Variants in CPNE4 observed in about 807,000 individuals in gnomAD.
CPNE4 encodes copine 4, also known as copine-4.
In CPNE4, 25 loss-of-function variants were observed where a neutral mutation model predicts 67.9. The ratio of observed to expected loss-of-function variants is 0.37; its 90% confidence interval spans 0.27 to 0.51. The LOEUF (loss-of-function observed/expected upper bound fraction) is 0.51, where lower values mean the gene tolerates loss of function less well. CPNE4 is among the 20% of genes least tolerant of loss of function. CPNE4 has a pLI of 0.93. For missense variants in CPNE4, 464 were observed against 690.8 expected, an observed-to-expected ratio of 0.67 and a Z score of 3.68; for synonymous variants, 242 against 244.9, an observed-to-expected ratio of 0.99 and a Z score of 0.11.
At chr3:131,624,666 A>G (rs528064860) in intron 7 of CPNE4, among the ~76,000 whole-genome samples, 27 of 152,308 alleles carry the variant, frequency 1.8e-4, no homozygotes, top group Admixed American at 5.2e-4. Flanking sequence ...GATTCAACTA[A>G]TTTGAGAGAC....
intron 7 of CPNE4, among the ~76,000 whole-genome samples, chr3:131,590,733 A>T (rs1305674091): frequency 6.6e-6 from 1 of 152,210 alleles, no homozygotes. Context: ...CAAAAAATGT[A>T]GTAAAGTCAA....
At chr3:131,724,002 T>C (rs2081948317) in intron 2 of CPNE4, among the ~76,000 whole-genome samples, 1 of 152,154 alleles carries the variant, frequency 6.6e-6, no homozygotes, top group Non-Finnish European at 1.5e-5. Flanking sequence ...TTTATGCAGG[T>C]GCATAAATGA....
At chr3:131,655,237 C>T (rs970655574) in intron 7 of CPNE4, among the ~76,000 whole-genome samples, 1 of 152,206 alleles carries the variant, frequency 6.6e-6, no homozygotes, top group Non-Finnish European at 1.5e-5. Flanking sequence ...TCTTGGGCCC[C>T]ACCCTAGACC....
rs568600516 is a variant in CPNE4 at position 131,570,620 on chromosome 3, C to T, written c.927+4451G>A. ...TCTCTCACCCTGTGGTCTGTTTCACCTCCACCCACCTCCTCAAAGACTGCA... is the reference window on the plus strand; with the variant it reads ...TCTCTCACCCTGTGGTCTGTTTCACTTCCACCCACCTCCTCAAAGACTGCA... On this transcript the variant is annotated intron_variant, in intron 10 of 15. Transcript: ENST00000429747. Among the ~76,000 whole-genome samples, 260 of 152,102 alleles carry T rather than the reference C, an allele frequency of 1.7e-3. 1 individual carries two copies. The highest frequency in any genetic ancestry group is 2.8e-3 in the Non-Finnish European group (187 of 67,966).
chr3:131,738,452 A>T (rs557897614), intron 2 of CPNE4, among the ~76,000 whole-genome samples: 270 of 115,124 alleles, frequency 2.3e-3, no homozygotes, highest in African/African-American at 8.8e-3. Flanking sequence ...ATAAAGGAAG[A>T]CCTTTCATAT....
At chr3:131,633,553 G>C (rs1582928463) in intron 7 of CPNE4, among the ~76,000 whole-genome samples, 1 of 151,940 alleles carries the variant, frequency 6.6e-6, no homozygotes, top group South Asian at 2.1e-4. Context: ...TTTTTTGAAA[G>C]TCTGCTGTCT....
intron 2 of CPNE4, among the ~76,000 whole-genome samples, chr3:131,785,671 T>TTTTC (rs2083541970): frequency 1.4e-5 from 2 of 142,744 alleles, no homozygotes; most frequent in Non-Finnish European, 3.1e-5. Flanking sequence ...CTTTCTCTCT[T>TTTTC]TCTCTCTCTC....
chr3:131,782,105 C>T (rs1432737408), intron 2 of CPNE4, among the ~76,000 whole-genome samples: 1 of 152,060 alleles, frequency 6.6e-6, no homozygotes, highest in Non-Finnish European at 1.5e-5. Flanking sequence ...TTCTGCCTTT[C>T]TTTGTTTCTT....
chr3:131,638,290 A>G (rs1476648775), intron 7 of CPNE4, among the ~76,000 whole-genome samples: 1 of 152,196 alleles, frequency 6.6e-6, no homozygotes, highest in Non-Finnish European at 1.5e-5. Context: ...TGCTGTCTTC[A>G]GGAGACTCAC....
chr3:131,862,062 T>C (rs1399786841), intron 2 of CPNE4, among the ~76,000 whole-genome samples: 1 of 152,198 alleles, frequency 6.6e-6, no homozygotes, highest in Non-Finnish European at 1.5e-5. Context: ...GCTCTTTTCT[T>C]TGCAATTTTT....
chr3:131,885,998 A>T (rs2087870549), intron 2 of CPNE4, among the ~76,000 whole-genome samples: 1 of 152,236 alleles, frequency 6.6e-6, no homozygotes, highest in Non-Finnish European at 1.5e-5. Flanking sequence ...CCAGCTGCAG[A>T]AATTTGCATA....
intron 7 of CPNE4, among the ~76,000 whole-genome samples, chr3:131,634,490 A>G (rs1168719839): frequency 1.3e-5 from 2 of 152,210 alleles, no homozygotes; most frequent in Non-Finnish European, 2.9e-5. Flanking sequence ...AAATAATTCT[A>G]GAGACAATTA....
At chr3:131,784,033 T>C (rs2083491190) in intron 2 of CPNE4, among the ~76,000 whole-genome samples, 1 of 152,114 alleles carries the variant, frequency 6.6e-6, no homozygotes, top group African/African-American at 2.4e-5. Context: ...TCAGCAAATA[T>C]ACAATATAGT....
intron 7 of CPNE4, among the ~76,000 whole-genome samples, chr3:131,656,776 G>A (rs894455512): frequency 2.6e-5 from 4 of 152,192 alleles, no homozygotes; most frequent in African/African-American, 9.7e-5. Flanking sequence ...AGGAGATGGT[G>A]ATTAGATGAA....
intron 2 of CPNE4, among the ~76,000 whole-genome samples, chr3:131,728,354 G>C (rs376690250): frequency 6.6e-6 from 1 of 152,196 alleles, no homozygotes; most frequent in African/African-American, 2.4e-5. Flanking sequence ...ACAACTTGTA[G>C]GTAGCAGAGG....
At chr3:131,590,793 T>C (rs1038302330) in intron 7 of CPNE4, among the ~76,000 whole-genome samples, 18 of 152,200 alleles carry the variant, frequency 1.2e-4, no homozygotes, top group African/African-American at 4.3e-4. Context: ...TTTCTTCTAA[T>C]TCAGAAATGC....
chr3:131,620,981 CCAT>C (rs1940432577), intron 7 of CPNE4, among the ~76,000 whole-genome samples: 1 of 151,364 alleles, frequency 6.6e-6, no homozygotes, highest in Non-Finnish European at 1.5e-5. Context: ...ACTCATAACA[CCAT>C]CATCAAGTGG....
At chr3:131,792,672 C>CACACGTGT (rs1560322350) in intron 2 of CPNE4, among the ~76,000 whole-genome samples, 2 of 32,868 alleles carry the variant, frequency 6.1e-5, no homozygotes, top group African/African-American at 2.0e-4. Flanking sequence ...TGTATATATA[C>CACACGTGT]ATATATACAC....
chr3:131,840,859 T>C (rs796190724), intron 2 of CPNE4, among the ~76,000 whole-genome samples: 1 of 152,152 alleles, frequency 6.6e-6, no homozygotes, highest in South Asian at 2.1e-4. Context: ...TGCTGTGTCA[T>C]CTTCTTGAGG....
Sources: gnomAD v4.1 joint callset for allele counts (sites outside exome capture counted in the v4.1 genomes callset) on GRCh38, gnomAD v4.1.1 for gene constraint, MANE v1.5 for transcripts, NCBI Gene and HGNC (gene_info 2026-07-23, HGNC 2026-07-21) for gene names.